Variants in FRMD5 observed in about 807,000 individuals in gnomAD.
The protein encoded by FRMD5 is FERM domain-containing protein 5.
Under a neutral mutation model 69.0 loss-of-function variants are expected in FRMD5, and 20 were observed. The observed-to-expected ratio is 0.29, with a 90% CI of 0.20 to 0.42. FRMD5 has a LOEUF of 0.42. FRMD5 is among the 10% of genes least tolerant of loss of function. The pLI is 1.00. For synonymous variants in FRMD5, 271 were observed against 260.1 expected, an observed-to-expected ratio of 1.04 and a Z score of -0.40; for missense variants, 595 against 708.6, an observed-to-expected ratio of 0.84 and a Z score of 1.82.
In FRMD5 at chr15:44,161,094, C is replaced by T. The variant is rs148739729; in HGVS notation, c.102+33859G>A. Among the ~76,000 whole-genome samples, 3 of 152,290 alleles carry T rather than the reference C, an allele frequency of 2.0e-5. No homozygotes were observed. The East Asian group carries it at 5.8e-4, about 29-fold the overall frequency. ...GGATCAGCATATTATTTTATATCTC[C>T]TTTCCCATCCCATGGATGCTTACTG... On this transcript the variant is annotated intron_variant, in intron 1 of 13. Transcript: ENST00000417257.
intron 1 of FRMD5, among the ~76,000 whole-genome samples, chr15:44,163,380 C>T (rs2077655898): frequency 6.6e-6 from 1 of 152,180 alleles, no homozygotes; most frequent in Non-Finnish European, 1.5e-5. Flanking sequence ...GCTGTACCCC[C>T]GTGTACATAA....
chr15:44,031,301 C>G (rs1891671633), intron 1 of FRMD5, among the ~76,000 whole-genome samples: 1 of 152,190 alleles, frequency 6.6e-6, no homozygotes, highest in African/African-American at 2.4e-5. Context: ...CCCATCATTT[C>G]TCTATGAAAA....
chr15:43,995,322 T>G (rs1448821406), intron 1 of FRMD5, among the ~76,000 whole-genome samples: 1 of 152,196 alleles, frequency 6.6e-6, no homozygotes, highest in Non-Finnish European at 1.5e-5. Flanking sequence ...CTTAACTACA[T>G]TTGTGATCCA....
intron 1 of FRMD5, among the ~76,000 whole-genome samples, chr15:44,183,066 A>T (rs570615352): frequency 6.6e-6 from 1 of 151,828 alleles, no homozygotes; most frequent in Non-Finnish European, 1.5e-5. Flanking sequence ...CCAAAGTGCT[A>T]GGATTACAGG....
intron 1 of FRMD5, among the ~76,000 whole-genome samples, chr15:44,102,011 T>C (rs2076648111): frequency 6.6e-6 from 1 of 152,218 alleles, no homozygotes. Flanking sequence ...TGTAATTTAT[T>C]CTTATGGTGA....
At chr15:44,108,838 G>A (rs1308840823) in intron 1 of FRMD5, among the ~76,000 whole-genome samples, 2 of 151,896 alleles carry the variant, frequency 1.3e-5, no homozygotes, top group Non-Finnish European at 2.9e-5. Context: ...GCACAAGCCT[G>A]TAGTCCCAGC....
rs1213347011 is a variant in FRMD5, at chr15:44,096,206, CAAAAAAAA to C, written c.102+98739_102+98746del. ...AAGCAACATGAGAGAAACTCCATCT[CAAAAAAAA>C]AAAAAAAAAAAAAAAGAGTAAATTA... On this transcript the variant is annotated intron_variant, in intron 1 of 13. Coordinates refer to ENST00000417257, the MANE Select transcript of FRMD5 (RefSeq NM_032892.5). Among the ~76,000 whole-genome samples the C allele has an allele frequency of 9.0e-4, 43 of 47,902 alleles. 1 individual carries two copies. Among genetic ancestry groups the C allele is most frequent in the African/African-American group, 3.0e-3 (40 of 13,382 alleles). The allele number at this position is 47,902 out of a possible 152,430, so 31.4% of individuals were successfully genotyped here. A position where few individuals can be genotyped will look rare whatever the true frequency, so the allele number is the denominator to read the frequency against.
intron 1 of FRMD5, among the ~76,000 whole-genome samples, chr15:44,001,612 T>A (rs1191302566): frequency 1.8e-4 from 1 of 5,670 alleles, no homozygotes; most frequent in Non-Finnish European, 9.3e-4. Flanking sequence ...AATTTTATTG[T>A]TTTTTTTTTT....
intron 7 of FRMD5, among the ~76,000 whole-genome samples, chr15:43,901,670 A>T (rs1280599300): frequency 6.6e-6 from 1 of 152,130 alleles, no homozygotes; most frequent in Non-Finnish European, 1.5e-5. Context: ...ATGAGTAATT[A>T]CAGAGGTTTT....
intron 1 of FRMD5, among the ~76,000 whole-genome samples, chr15:44,099,986 G>C (rs1312675607): frequency 6.6e-6 from 1 of 150,946 alleles, no homozygotes; most frequent in Non-Finnish European, 1.5e-5. Context: ...TACACTCTGA[G>C]TCTAGCCACA....
chr15:44,160,304 C>T (rs576538749), intron 1 of FRMD5, among the ~76,000 whole-genome samples: 3 of 152,260 alleles, frequency 2.0e-5, no homozygotes, highest in Non-Finnish European at 2.9e-5. Flanking sequence ...TGCAGTGAGC[C>T]GAGATGGCGC....
intron 1 of FRMD5, among the ~76,000 whole-genome samples, chr15:44,059,705 C>T (rs767421667): frequency 1.8e-4 from 27 of 151,824 alleles, no homozygotes; most frequent in Admixed American, 1.2e-3. Context: ...TTAGTAGAGA[C>T]GGGGTTTCAC....
At chr15:44,183,201 T>C (rs1310486090) in intron 1 of FRMD5, among the ~76,000 whole-genome samples, 3 of 152,022 alleles carry the variant, frequency 2.0e-5, no homozygotes, top group Admixed American at 6.6e-5. Context: ...TGGTGATCCA[T>C]GCAGTGAGAA....
In FRMD5 at chr15:43,872,889, TTGAAA is replaced by T. The variant is rs2088198517; in HGVS notation, c.*991_*995del. On this transcript the variant is annotated 3_prime_UTR_variant, in exon 14 of 14. Coordinates refer to ENST00000417257, the MANE Select transcript of FRMD5 (RefSeq NM_032892.5). Reference sequence around the variant, plus strand: ...TAACATTTCGTTGTTAAAATATAAATTGAAATAGTCTTTGGGTCAAGGGGGTGTAT... The same window carrying T: ...TAACATTTCGTTGTTAAAATATAAATTAGTCTTTGGGTCAAGGGGGTGTAT... The T allele has an allele frequency of 5.6e-6, 2 of 360,282 alleles. No individual in the cohort carries two copies. Among genetic ancestry groups the T allele is most frequent in the Non-Finnish European group, 9.9e-6 (2 of 202,326 alleles). The allele number at this position is 360,282 out of a possible 1,614,324, so 22.3% of individuals were successfully genotyped here. A position where few individuals can be genotyped will look rare whatever the true frequency, so the allele number is the denominator to read the frequency against.
chr15:43,956,119 T>C (rs2090111527), intron 1 of FRMD5, among the ~76,000 whole-genome samples: 1 of 152,168 alleles, frequency 6.6e-6, no homozygotes, highest in Admixed American at 6.5e-5. Flanking sequence ...TAATGCTTGG[T>C]TTTCTCTAAT....
intron 7 of FRMD5, 78 bp downstream of exon 7, chr15:43,902,097 G>A: frequency 2.0e-6 from 2 of 1,014,662 alleles, no homozygotes; most frequent in Non-Finnish European, 3.1e-6. Flanking sequence ...GGGCCTCTGA[G>A]CGCAGGCATG....
At chr15:43,933,830 T>C (rs2089715404) in intron 1 of FRMD5, among the ~76,000 whole-genome samples, 1 of 152,212 alleles carries the variant, frequency 6.6e-6, no homozygotes, top group South Asian at 2.1e-4. Flanking sequence ...AGCTCAAAAC[T>C]CACTGCACTT....
At chr15:43,882,729 A>T (rs1024525607) in intron 13 of FRMD5, among the ~76,000 whole-genome samples, 39 of 152,140 alleles carry the variant, frequency 2.6e-4, no homozygotes, top group African/African-American at 9.4e-4. Context: ...CCAAGAAGTG[A>T]AAATTCTTGG....
chr15:44,000,879 A>T (rs1484570349), intron 1 of FRMD5, among the ~76,000 whole-genome samples: 1 of 152,158 alleles, frequency 6.6e-6, no homozygotes, highest in Non-Finnish European at 1.5e-5. Context: ...AGTGGTGTGA[A>T]CACAGCTCAG....
Sources: allele counts gnomAD v4.1 joint callset (sites outside exome capture counted in the v4.1 genomes callset), GRCh38; gene constraint gnomAD v4.1.1; transcripts MANE v1.5; gene names NCBI Gene and HGNC (gene_info 2026-07-23, HGNC 2026-07-21).